The following PARD3B variants were observed in gnomAD, a reference collection of about 807,000 sequenced individuals.
PARD3B encodes par-3 family cell polarity regulator beta.
In PARD3B, 103 loss-of-function variants were observed where a neutral mutation model predicts 130.2. That is an observed-to-expected ratio of 0.79 (90% CI 0.67 to 0.93). PARD3B has a LOEUF of 0.93. PARD3B is among the 40% of genes least tolerant of loss of function. The pLI is 0.00. For missense variants in PARD3B, 1,609 were observed against 1,499.2 expected (o/e 1.07, Z -1.21); for synonymous variants, 583 against 553.2 (o/e 1.05, Z -0.76).
At chr2:204,679,712 A>G (rs2036731578) in intron 1 of PARD3B, among the ~76,000 whole-genome samples, 1 of 150,942 alleles carries the variant, frequency 6.6e-6, no homozygotes. Context: ...TTGTTTAGTT[A>G]TTGGTTTGCC....
chr2:204,615,653 CT>C (rs2034084827), intron 1 of PARD3B, among the ~76,000 whole-genome samples: 1 of 152,124 alleles, frequency 6.6e-6, no homozygotes, highest in Non-Finnish European at 1.5e-5. Context: ...GACAGGCTTA[CT>C]GTGTTTACTT....
At chr2:205,516,871 T>TC (rs2050812674) in intron 21 of PARD3B, among the ~76,000 whole-genome samples, 2 of 152,170 alleles carry the variant, frequency 1.3e-5, no homozygotes, top group East Asian at 3.9e-4. Context: ...TTCCAGTTTT[T>TC]GCCCATTTAG....
At chr2:205,437,138 G>A (rs1219123168) in intron 19 of PARD3B, among the ~76,000 whole-genome samples, 5 of 152,114 alleles carry the variant, frequency 3.3e-5, no homozygotes, top group Non-Finnish European at 7.4e-5. Context: ...GACTGGTGGT[G>A]CACTCCGCCT....
chr2:205,378,528 G>A (rs951631322), intron 18 of PARD3B, among the ~76,000 whole-genome samples: 1 of 152,118 alleles, frequency 6.6e-6, no homozygotes, highest in Non-Finnish European at 1.5e-5. Context: ...TGCGTACTGA[G>A]GTATTCTTAC....
chr2:204,703,252 C>T (rs2037979366), intron 2 of PARD3B, among the ~76,000 whole-genome samples: 1 of 152,162 alleles, frequency 6.6e-6, no homozygotes, highest in South Asian at 2.1e-4. Flanking sequence ...TGCTTAGACA[C>T]AAAATTTGGT....
At chr2:204,956,249 T>C (rs191609836) in intron 2 of PARD3B, among the ~76,000 whole-genome samples, 2 of 152,326 alleles carry the variant, frequency 1.3e-5, no homozygotes, top group African/African-American at 2.4e-5. Flanking sequence ...CCAAGGAGTA[T>C]GTTTCTGAGA....
At chr2:205,602,926 T>C (rs879583317) in intron 22 of PARD3B, among the ~76,000 whole-genome samples, 2 of 152,182 alleles carry the variant, frequency 1.3e-5, no homozygotes, top group Admixed American at 6.5e-5. Flanking sequence ...TTGCTCTTAG[T>C]TCTCCAGTTC....
At chr2:205,370,983 C>G (rs541165940) in intron 18 of PARD3B, among the ~76,000 whole-genome samples, 1 of 152,212 alleles carries the variant, frequency 6.6e-6, no homozygotes, top group Non-Finnish European at 1.5e-5. Flanking sequence ...GCTGTGGGCA[C>G]CTTGCTATTG....
chr2:205,032,461 G>A (rs1228470965), intron 3 of PARD3B, among the ~76,000 whole-genome samples: 1 of 152,080 alleles, frequency 6.6e-6, no homozygotes, highest in East Asian at 1.9e-4. Context: ...TGATCCTTGG[G>A]CTCCAGGAGC....
At chr2:205,304,927 A>G (rs1055884891) in intron 18 of PARD3B, among the ~76,000 whole-genome samples, 2 of 152,204 alleles carry the variant, frequency 1.3e-5, no homozygotes, top group African/African-American at 4.8e-5. Flanking sequence ...CCTGGGCAAC[A>G]GAGTAAGACC....
chr2:205,456,948 C>G (rs534485292), intron 20 of PARD3B, among the ~76,000 whole-genome samples: 1 of 149,630 alleles, frequency 6.7e-6, no homozygotes, highest in South Asian at 2.1e-4. Flanking sequence ...TTTAATAAAT[C>G]GTTTAATAAT....
At chr2:205,129,382 A>G (rs1345730468) in intron 10 of PARD3B, among the ~76,000 whole-genome samples, 1 of 152,244 alleles carries the variant, frequency 6.6e-6, no homozygotes, top group East Asian at 1.9e-4. Flanking sequence ...GAATTACTTC[A>G]TAGTGTGGCA....
At chr2:205,465,006 A>G (rs1014025109) in intron 20 of PARD3B, among the ~76,000 whole-genome samples, 5 of 152,178 alleles carry the variant, frequency 3.3e-5, no homozygotes, top group Non-Finnish European at 7.4e-5. Context: ...GATAACAATG[A>G]CATGACTTCG....
intron 22 of PARD3B, among the ~76,000 whole-genome samples, chr2:205,604,998 G>T (rs1310608253): frequency 6.6e-6 from 1 of 152,080 alleles, no homozygotes; most frequent in Admixed American, 6.5e-5. Flanking sequence ...TTGGTCAATT[G>T]AGCTATTGAT....
chr2:205,134,775 T>G (rs2032328015), intron 10 of PARD3B, among the ~76,000 whole-genome samples: 1 of 152,220 alleles, frequency 6.6e-6, no homozygotes, highest in Non-Finnish European at 1.5e-5. Flanking sequence ...TAGGTGATGA[T>G]AAATGCTGTG....
intron 4 of PARD3B, among the ~76,000 whole-genome samples, chr2:205,080,339 T>C (rs929981268): frequency 5.9e-5 from 9 of 152,158 alleles, no homozygotes; most frequent in African/African-American, 1.9e-4. Context: ...TCCGGTTATG[T>C]ATAATTTTCA....
At chr2:204,771,570 A>T (rs1039448297) in intron 2 of PARD3B, among the ~76,000 whole-genome samples, 7 of 152,080 alleles carry the variant, frequency 4.6e-5, no homozygotes, top group Non-Finnish European at 8.8e-5. Flanking sequence ...GTAGGGTACT[A>T]TGCTCACCAC....
intron 2 of PARD3B, among the ~76,000 whole-genome samples, chr2:204,753,274 A>T (rs976241654): frequency 6.6e-6 from 1 of 152,194 alleles, no homozygotes; most frequent in African/African-American, 2.4e-5. Context: ...TATAGCTGGA[A>T]ATACTGCATT....
rs796567936 is a variant in PARD3B, at chr2:205,550,955, G to GTGTATATATATATATATATA, written c.3181-2368_3181-2367insGTATATATATATATATATAT. Among the ~76,000 whole-genome samples the GTGTATATATATATATATATA allele has an allele frequency of 1.1e-5, 1 of 94,466 alleles. No individual in the cohort carries two copies. Among genetic ancestry groups the GTGTATATATATATATATATA allele is most frequent in the African/African-American group, 3.8e-5 (1 of 26,412 alleles). The allele number at this position is 94,466 out of a possible 152,430, so 62.0% of individuals were successfully genotyped here. On this transcript the variant is annotated intron_variant, in intron 21 of 22. Transcript: ENST00000406610. The surrounding 1 kb of genome is among the most constrained non-coding windows in gnomAD (Gnocchi z 4.5). ...TGTGTGTGTGTGTATATATATATGT[G>GTGTATATATATATATATATA]TATATATATATATATATATATACAC...
Sources: gnomAD v4.1 joint callset for allele counts (sites outside exome capture counted in the v4.1 genomes callset) on GRCh38, gnomAD v4.1.1 for gene constraint, Gnocchi (gnomAD v3.1) non-coding constraint, MANE v1.5 for transcripts, NCBI Gene and HGNC (gene_info 2026-07-23, HGNC 2026-07-21) for gene names.